Variants in CNST observed in about 807,000 individuals in gnomAD.
The protein encoded by CNST is consortin.
A neutral mutation model predicts 72.4 loss-of-function variants in CNST; 39 were observed. That is an observed-to-expected ratio of 0.54 (90% CI 0.42 to 0.70). The LOEUF is 0.70. Ranked by LOEUF, CNST falls within the 30% of genes least tolerant of loss-of-function variation. The probability of loss-of-function intolerance (pLI) is 0.00; values close to 1 mark genes in which losing one functional copy is unlikely to be tolerated. For missense variants in CNST, 871 were observed against 868.5 expected (o/e 1.00, Z -0.04); for synonymous variants, 332 against 320.1 (o/e 1.04, Z -0.40).
At chr1:246,621,708 G>T (rs1160624878) in intron 3 of CNST, 74 bp downstream of exon 3, 5 of 1,326,306 alleles carry the variant, frequency 3.8e-6, no homozygotes, top group Admixed American at 1.7e-5. Context: ...CTAAAATGCT[G>T]TCTTGGCTGG....
intron 9 of CNST, among the ~76,000 whole-genome samples, chr1:246,659,410 C>A (rs533695369): frequency 6.6e-5 from 10 of 152,166 alleles, no homozygotes; most frequent in South Asian, 2.1e-4. Context: ...CTGGCTAACT[C>A]GGTGAAACCC....
intron 4 of CNST, among the ~76,000 whole-genome samples, chr1:246,633,055 G>A (rs1572208276): frequency 6.6e-6 from 1 of 152,138 alleles, no homozygotes; most frequent in South Asian, 2.1e-4. Context: ...GACATTCCTT[G>A]AGCATTAAAA....
intron 2 of CNST, chr1:246,606,170 T>C (rs1249966357): frequency 5.9e-5 from 9 of 152,266 alleles, no homozygotes; most frequent in Non-Finnish European, 1.0e-4. Context: ...GTCTGGATTG[T>C]CTGGCGGTTA....
At chr1:246,614,171 T>C (rs943877876) in intron 2 of CNST, among the ~76,000 whole-genome samples, 3 of 152,180 alleles carry the variant, frequency 2.0e-5, no homozygotes, top group African/African-American at 4.8e-5. Flanking sequence ...GTGAGATATC[T>C]TGAGGATGGG....
chr1:246,577,301 C>A (rs2103007068), intron 1 of CNST, among the ~76,000 whole-genome samples: 1 of 152,134 alleles, frequency 6.6e-6, no homozygotes, highest in South Asian at 2.1e-4. Flanking sequence ...TACCGCCCCA[C>A]CACAGCGTCA....
intron 1 of CNST, among the ~76,000 whole-genome samples, chr1:246,583,681 G>A (rs1461771024): frequency 1.3e-5 from 2 of 152,188 alleles, no homozygotes; most frequent in East Asian, 1.9e-4. Flanking sequence ...CTCATGTGGA[G>A]ACTTATTTGC....
rs763908158 is a variant in CNST at position 246,666,813 on chromosome 1, A to G, written c.*908A>G. ...ATTCTGAGAACCAGAATGCAAACTTAAGTAAGATACAGTTCCCACTGTAGG... is the reference window on the plus strand; with the variant it reads ...ATTCTGAGAACCAGAATGCAAACTTGAGTAAGATACAGTTCCCACTGTAGG... On this transcript the variant is annotated 3_prime_UTR_variant, in exon 11 of 11. Coordinates refer to ENST00000366513, the MANE Select transcript of CNST (RefSeq NM_152609.3). The G allele has an allele frequency of 2.0e-5, 3 of 152,200 alleles. No individual in the cohort carries two copies. The highest frequency in any genetic ancestry group is 4.4e-5 in the Non-Finnish European group (3 of 68,042). 9.4% of individuals were successfully genotyped at this position (152,200 alleles called of 1,614,324 possible).
rs558546002 is a variant in CNST at position 246,633,955 on chromosome 1, A to G, written c.648A>G (p.Glu216=). The G allele has an allele frequency of 6.2e-7, 1 of 1,613,132 alleles. No individual in the cohort carries two copies. Among genetic ancestry groups the G allele is most frequent in the African/African-American group, 1.3e-5 (1 of 75,036 alleles). Reference sequence around the variant, plus strand: ...AAGCAATGAAATTCATTCAGCTAGAACGATTGTATCATGAGCAATTGCTCG... The same window carrying G: ...AAGCAATGAAATTCATTCAGCTAGAGCGATTGTATCATGAGCAATTGCTCG... ...YEKAMKFIQL[E]RLYHEQLLAN... is the part of the protein sequence containing the mutation. Residue 216 remains glutamate (E), a synonymous_variant, in exon 5 of 11, where the codon GAA becomes GAG. Coordinates refer to ENST00000366513, the MANE Select transcript of CNST (RefSeq NM_152609.3).
chr1:246,566,485 C>T lies in CNST; in HGVS notation c.-230C>T. On this transcript the variant is annotated 5_prime_UTR_variant, in exon 1 of 11. Transcript: ENST00000366513. ...TCGCGGGCCGCCAGCCTCCAGCCGG[C>T]CAGCCGCGAGGGGTGCGCAGAGGGA... 1 of 443,946 alleles carries T rather than the reference C, an allele frequency of 2.3e-6. No individual in the cohort carries two copies. The highest frequency in any genetic ancestry group is 6.1e-5 in the South Asian group (1 of 16,270). 27.5% of individuals were successfully genotyped at this position (443,946 alleles called of 1,614,324 possible).
intron 2 of CNST, among the ~76,000 whole-genome samples, chr1:246,618,564 CT>C (rs199799206): frequency 0.019 from 2,850 of 152,284 alleles, 98 homozygotes; most frequent in African/African-American, 0.065. Context: ...CCTCCCTACA[CT>C]CAATGATTAA....
At chr1:246,618,722 A>G (rs542323410) in intron 2 of CNST, among the ~76,000 whole-genome samples, 1 of 152,210 alleles carries the variant, frequency 6.6e-6, no homozygotes, top group East Asian at 1.9e-4. Context: ...CATTTTATTT[A>G]CCAATGTATT....
intron 2 of CNST, among the ~76,000 whole-genome samples, chr1:246,609,056 G>A (rs3007406): frequency 0.44 from 67,429 of 152,112 alleles, 16,434 homozygotes; most frequent in Non-Finnish European, 0.54. Flanking sequence ...TCTGCAGGCA[G>A]AGGGTGCAAC....
intron 6 of CNST, among the ~76,000 whole-genome samples, chr1:246,635,460 C>T (rs1391088924): frequency 6.6e-6 from 1 of 151,974 alleles, no homozygotes; most frequent in East Asian, 1.9e-4. Flanking sequence ...TGTTGGGTCC[C>T]ATCCCTTCCA....
At chr1:246,645,786 A>G (rs1666028211) in intron 8 of CNST, among the ~76,000 whole-genome samples, 1 of 152,142 alleles carries the variant, frequency 6.6e-6, no homozygotes, top group Non-Finnish European at 1.5e-5. Flanking sequence ...AAGCGAGGAT[A>G]AGCAAGCTTC....
rs549423925 is a variant in CNST, at chr1:246,652,818, C to T, written c.1836+4781C>T. On this transcript the variant is annotated intron_variant, in intron 9 of 10. Coordinates refer to ENST00000366513, the MANE Select transcript of CNST (RefSeq NM_152609.3). Reference sequence around the variant, plus strand: ...AGGAGATCGAGACCATCCTGGCTAACACGGTGAAACCCCGTCTCTACTAAA... The same window carrying T: ...AGGAGATCGAGACCATCCTGGCTAATACGGTGAAACCCCGTCTCTACTAAA... Among the ~76,000 whole-genome samples the T allele has an allele frequency of 3.3e-5, 5 of 150,626 alleles. No individual in the cohort carries two copies. In the East Asian group the frequency reaches 7.8e-4, roughly 23 times the overall value.
chr1:246,605,681 CCGGGG>C (rs1438718797), intron 2 of CNST, among the ~76,000 whole-genome samples: 1 of 144,288 alleles, frequency 6.9e-6, no homozygotes. Context: ...TGTCTTCCGG[CCGGGG>C]TAGGTGTCTT....
rs927746809 is a variant in CNST, at chr1:246,665,835, A to G, written c.2108A>G (p.Asn703Ser). The G allele has an allele frequency of 3.1e-6, 5 of 1,613,978 alleles. No individual in the cohort carries two copies. In the African/African-American group the frequency reaches 6.7e-5, roughly 22 times the overall value. Residue 703 changes from asparagine (N) to serine (S), a missense_variant, in exon 11 of 11, where the codon AAC (asparagine) becomes AGC (serine). Coordinates refer to ENST00000366513, the MANE Select transcript of CNST (RefSeq NM_152609.3). The part of the protein sequence containing the change: ...ESPVCTDFAD[N>S]MDFYYTKLLQ... ...CCTGTTTGTACTGACTTTGCAGACAACATGGACTTCTATTACACTAAGTTA... is the reference window on the plus strand; with the variant it reads ...CCTGTTTGTACTGACTTTGCAGACAGCATGGACTTCTATTACACTAAGTTA...
At chr1:246,631,970 G>T in intron 4 of CNST, 46 bp downstream of exon 4, 4 of 1,106,134 alleles carry the variant, frequency 3.6e-6, no homozygotes, top group South Asian at 1.4e-5. Flanking sequence ...AACTCTTACA[G>T]AACCATTCAT....
chr1:246,568,305 T>C (rs1659850356), intron 1 of CNST, among the ~76,000 whole-genome samples: 1 of 152,230 alleles, frequency 6.6e-6, no homozygotes, highest in Non-Finnish European at 1.5e-5. Context: ...TTGAGTGTTA[T>C]TATTTTCTCT....
Sources: gnomAD v4.1 joint callset for allele counts (sites outside exome capture counted in the v4.1 genomes callset) on GRCh38, gnomAD v4.1.1 for gene constraint, MANE v1.5 for transcripts, NCBI Gene and HGNC (gene_info 2026-07-23, HGNC 2026-07-21) for gene names.